The following ME1 variants were observed in gnomAD, a reference collection of about 807,000 sequenced individuals.
The protein encoded by ME1 is malic enzyme 1.
Under a neutral mutation model 66.4 loss-of-function variants are expected in ME1, and 74 were observed. The observed-to-expected ratio is 1.11, with a 90% CI of 0.92 to 1.35. The LOEUF is 1.35. ME1 is among the 40% of genes most tolerant of loss of function. ME1 has a pLI of 0.00. For missense variants in ME1, 750 were observed against 694.1 expected, an observed-to-expected ratio of 1.08 and a Z score of -0.90; for synonymous variants, 251 against 235.6, an observed-to-expected ratio of 1.07 and a Z score of -0.60.
At chr6:83,358,462 C>T (rs1251949919) in intron 3 of ME1, among the ~76,000 whole-genome samples, 4 of 152,180 alleles carry the variant, frequency 2.6e-5, no homozygotes, top group African/African-American at 9.7e-5. Context: ...GCTAAGATTG[C>T]TCAGAGTGAG....
At chr6:83,407,963 A>T in intron 1 of ME1, 62 bp from the exon 2 acceptor site, 1 of 1,497,836 alleles carries the variant, frequency 6.7e-7, no homozygotes, top group Non-Finnish European at 8.9e-7. Context: ...GACAAAAAGC[A>T]TACATATAAA....
intron 6 of ME1, among the ~76,000 whole-genome samples, chr6:83,277,042 T>C (rs1180048015): frequency 1.3e-5 from 2 of 152,258 alleles, no homozygotes; most frequent in Admixed American, 1.3e-4. Context: ...CAGCCATCTG[T>C]ATTGAAGTAA....
chr6:83,253,277 A>T (rs1157413102), intron 7 of ME1, among the ~76,000 whole-genome samples: 1 of 152,172 alleles, frequency 6.6e-6, no homozygotes, highest in African/African-American at 2.4e-5. Flanking sequence ...GTAAAGCATA[A>T]AAATTGTGGC....
chr6:83,365,723 C>T (rs954477706), intron 3 of ME1, among the ~76,000 whole-genome samples: 3 of 152,146 alleles, frequency 2.0e-5, no homozygotes, highest in African/African-American at 4.8e-5. Flanking sequence ...TCACTCCCAC[C>T]CCTCTATACT....
At chr6:83,355,782 A>G (rs1768877066) in intron 3 of ME1, among the ~76,000 whole-genome samples, 1 of 152,170 alleles carries the variant, frequency 6.6e-6, no homozygotes, top group African/African-American at 2.4e-5. Flanking sequence ...ATACATATAT[A>G]CAGTTATAAA....
chr6:83,324,262 A>T (rs957946959), intron 5 of ME1, among the ~76,000 whole-genome samples: 2 of 151,824 alleles, frequency 1.3e-5, no homozygotes, highest in Admixed American at 1.3e-4. Flanking sequence ...ACACCCTAAC[A>T]TCACAATTAA....
intron 6 of ME1, among the ~76,000 whole-genome samples, chr6:83,305,535 G>A (rs533063715): frequency 1.6e-4 from 25 of 151,850 alleles, no homozygotes; most frequent in African/African-American, 5.8e-4. Context: ...TTAGACAGAG[G>A]GAAAAGCAAG....
At chr6:83,224,537 G>T (rs931356039) in intron 11 of ME1, among the ~76,000 whole-genome samples, 4 of 151,270 alleles carry the variant, frequency 2.6e-5, no homozygotes, top group African/African-American at 9.7e-5. Context: ...ATAAAAAGTG[G>T]CTGGGGAGTG....
Position 83,312,840 on chromosome 6 carries a change from C to T in ME1, c.704+2470G>A, listed in dbSNP as rs1583373723. 1.3e-5 allele frequency among the ~76,000 whole-genome samples: 2 copies of T among 152,046 alleles called. 1 individual carries two copies. Among genetic ancestry groups the T allele is most frequent in the South Asian group, 4.1e-4 (2 of 4,830 alleles). On this transcript the variant is annotated intron_variant, in intron 6 of 13. Coordinates refer to ENST00000369705, the MANE Select transcript of ME1 (RefSeq NM_002395.6). ...TGTGATCTTGGCTAACTGCAACCTC[C>T]GCCTCCCAGGTTCAGGCAATTCTCG...
intron 5 of ME1, among the ~76,000 whole-genome samples, chr6:83,332,311 T>A (rs1338552742): frequency 6.6e-6 from 1 of 152,192 alleles, no homozygotes; most frequent in Non-Finnish European, 1.5e-5. Flanking sequence ...TTATTGAGAA[T>A]GTAAATTAGT....
At chr6:83,242,255 T>TAACATA (rs1175576400) in intron 7 of ME1, among the ~76,000 whole-genome samples, 1 of 152,210 alleles carries the variant, frequency 6.6e-6, no homozygotes, top group African/African-American at 2.4e-5. Context: ...CTTACGACTT[T>TAACATA]AACATAAACA....
chr6:83,341,771 T>C (rs1034432874), intron 5 of ME1, among the ~76,000 whole-genome samples: 1 of 152,172 alleles, frequency 6.6e-6, no homozygotes, highest in Non-Finnish European at 1.5e-5. Flanking sequence ...ACCCTAACTT[T>C]CTACGCCTAA....
chr6:83,317,706 C>T (rs867913905), intron 5 of ME1, among the ~76,000 whole-genome samples: 10 of 152,100 alleles, frequency 6.6e-5, no homozygotes, highest in Non-Finnish European at 1.0e-4. Flanking sequence ...GAATCAATAT[C>T]GTGAAAATGG....
chr6:83,239,774 C>G (rs1270337759), intron 7 of ME1, 138 bp from the exon 8 acceptor site: 17 of 598,758 alleles, frequency 2.8e-5, no homozygotes, highest in Admixed American at 1.7e-4. Context: ...TTATCCCATG[C>G]TTGCATACGT....
intron 9 of ME1, chr6:83,229,135 T>C (rs1790252656): frequency 6.6e-6 from 4 of 605,846 alleles, no homozygotes; most frequent in African/African-American, 1.9e-5. Context: ...TTCTAGGCAA[T>C]GGAGATGTAA....
At chr6:83,399,880 A>G (rs1324519592) in intron 2 of ME1, among the ~76,000 whole-genome samples, 1 of 152,236 alleles carries the variant, frequency 6.6e-6, no homozygotes, top group Non-Finnish European at 1.5e-5. Context: ...TAACCCAGAA[A>G]ATAAACATGT....
chr6:83,280,843 T>C (rs1192901273), intron 6 of ME1, among the ~76,000 whole-genome samples: 2 of 152,232 alleles, frequency 1.3e-5, no homozygotes, highest in Non-Finnish European at 2.9e-5. Context: ...TATTTGTATC[T>C]GCAGTGCCTA....
At chr6:83,377,909 A>G (rs1769323589) in intron 3 of ME1, among the ~76,000 whole-genome samples, 1 of 152,184 alleles carries the variant, frequency 6.6e-6, no homozygotes, top group Non-Finnish European at 1.5e-5. Context: ...GGCAATAATT[A>G]ATAAAGTCAC....
At chr6:83,230,139 TTGTTGTTG>T (rs1219989085) in intron 9 of ME1, among the ~76,000 whole-genome samples, 4 of 134,074 alleles carry the variant, frequency 3.0e-5, no homozygotes, top group African/African-American at 1.2e-4. Flanking sequence ...TTTTTTTTTG[TTGTTGTTG>T]TTGTTGTTGT....
Sources: allele counts gnomAD v4.1 joint callset (sites outside exome capture counted in the v4.1 genomes callset), GRCh38; gene constraint gnomAD v4.1.1; transcripts MANE v1.5; gene names NCBI Gene and HGNC (gene_info 2026-07-23, HGNC 2026-07-21).